STIM1: variants seen among roughly 807,000 people sequenced by gnomAD.
STIM1 encodes stromal interaction molecule 1.
In STIM1, 25 loss-of-function variants were observed where a neutral mutation model predicts 74.7. The ratio of observed to expected loss-of-function variants is 0.33; its 90% CI spans 0.24 to 0.47. STIM1 has a LOEUF of 0.47. STIM1 is among the 20% of genes least tolerant of loss of function. STIM1 has a pLI of 1.00. For synonymous variants in STIM1, 328 were observed against 348.8 expected, an observed-to-expected ratio of 0.94 and a Z score of 0.66; for missense variants, 728 against 920.8, an observed-to-expected ratio of 0.79 and a Z score of 2.71.
intron 2 of STIM1, among the ~76,000 whole-genome samples, chr11:4,021,084 A>G (rs1308947410): frequency 6.6e-6 from 1 of 151,392 alleles, no homozygotes; most frequent in African/African-American, 2.4e-5. Flanking sequence ...CATTGTTTCC[A>G]TTTTATTTTG....
At chr11:3,918,005 A>G (rs1049208415) in intron 1 of STIM1, among the ~76,000 whole-genome samples, 1 of 152,172 alleles carries the variant, frequency 6.6e-6, no homozygotes, top group African/African-American at 2.4e-5. Context: ...AGACTTAACC[A>G]AGAGAGGGAC....
chr11:3,992,849 T>G (rs2093628540), intron 2 of STIM1, among the ~76,000 whole-genome samples: 2 of 152,230 alleles, frequency 1.3e-5, no homozygotes, highest in Non-Finnish European at 2.9e-5. Context: ...GCAAGTCCAT[T>G]GTTTCAATTG....
chr11:3,943,511 TTTTTC>T (rs745868408), intron 1 of STIM1, among the ~76,000 whole-genome samples: 2 of 152,202 alleles, frequency 1.3e-5, no homozygotes, highest in Non-Finnish European at 2.9e-5. Context: ...CTTTTTTTGT[TTTTTC>T]TTCTGGTAAA....
intron 1 of STIM1, among the ~76,000 whole-genome samples, chr11:3,920,407 G>A (rs1239648973): frequency 6.6e-6 from 1 of 152,074 alleles, no homozygotes; most frequent in Non-Finnish European, 1.5e-5. Flanking sequence ...TCTACTTTCT[G>A]TCTCCATGAA....
At chr11:3,905,767 G>T (rs750727122) in intron 1 of STIM1, among the ~76,000 whole-genome samples, 2 of 152,184 alleles carry the variant, frequency 1.3e-5, no homozygotes, top group Non-Finnish European at 2.9e-5. Flanking sequence ...CAGGTTTCTG[G>T]AACTGCATGA....
chr11:3,953,019 G>T (rs1402263343), intron 1 of STIM1, among the ~76,000 whole-genome samples: 4 of 152,178 alleles, frequency 2.6e-5, no homozygotes, highest in Non-Finnish European at 5.9e-5. Context: ...CTTCTTGTGA[G>T]ATCAAAATTT....
At chr11:3,933,842 C>T (rs1041578215) in intron 1 of STIM1, among the ~76,000 whole-genome samples, 2 of 152,082 alleles carry the variant, frequency 1.3e-5, no homozygotes, top group African/African-American at 2.4e-5. Context: ...CTCAGGAAGA[C>T]GGAAGATGGG....
intron 2 of STIM1, among the ~76,000 whole-genome samples, chr11:4,004,239 A>AT (rs1449863691): frequency 1.3e-5 from 2 of 152,168 alleles, no homozygotes; most frequent in Non-Finnish European, 2.9e-5. Context: ...GGAAAAAACT[A>AT]AAGTTCATAT....
chr11:4,083,213 TG>T, intron 9 of STIM1, 49 bp from the exon 10 acceptor site: 2 of 1,575,070 alleles, frequency 1.3e-6, no homozygotes, highest in Non-Finnish European at 1.7e-6. Flanking sequence ...TCATTCCTAT[TG>T]GGGCTCACAC....
intron 3 of STIM1, among the ~76,000 whole-genome samples, chr11:4,025,764 G>C (rs2093993317): frequency 6.6e-6 from 1 of 152,254 alleles, no homozygotes; most frequent in Middle Eastern, 3.4e-3. Flanking sequence ...TTTCTGGCAA[G>C]GACTTTATTT....
chr11:3,987,840 CACAG>C (rs1331513198), intron 2 of STIM1, among the ~76,000 whole-genome samples: 1 of 141,980 alleles, frequency 7.0e-6, no homozygotes, highest in Non-Finnish European at 1.5e-5. Flanking sequence ...CACACACACA[CACAG>C]TGTGTATATA....
intron 1 of STIM1, among the ~76,000 whole-genome samples, chr11:3,885,161 T>C (rs7131437): frequency 1.3e-5 from 2 of 151,598 alleles, no homozygotes; most frequent in African/African-American, 4.8e-5. Context: ...ATGTGAATTA[T>C]ATTTCAATAT....
intron 1 of STIM1, among the ~76,000 whole-genome samples, chr11:3,891,521 G>A (rs1046693386): frequency 2.0e-5 from 3 of 152,064 alleles, no homozygotes; most frequent in Admixed American, 2.0e-4. Context: ...CTGACTTCAG[G>A]CGATCTTCTC....
intron 1 of STIM1, among the ~76,000 whole-genome samples, chr11:3,951,444 G>C: frequency 6.6e-6 from 1 of 152,182 alleles, no homozygotes; most frequent in East Asian, 1.9e-4. Flanking sequence ...TGGAGCCCAG[G>C]AATGTGTTCT....
In STIM1 at chr11:4,009,704, G is replaced by A. The variant is rs139974703; in HGVS notation, c.271-14169G>A. On this transcript the variant is annotated intron_variant, in intron 2 of 12. Transcript: ENST00000526596. Reference sequence around the variant, plus strand: ...AAAATAGTGTGCTTGCTATGCAAATGCAACCTCATGACAAGTCCCTTAGCT... The same window carrying A: ...AAAATAGTGTGCTTGCTATGCAAATACAACCTCATGACAAGTCCCTTAGCT... 4.0e-3 allele frequency among the ~76,000 whole-genome samples: 613 copies of A among 152,162 alleles called. 2 individuals carry two copies. The highest frequency in any genetic ancestry group is 0.014 in the African/African-American group (582 of 41,514).
intron 2 of STIM1, among the ~76,000 whole-genome samples, chr11:3,986,072 G>A (rs567078266): frequency 7.2e-4 from 110 of 152,126 alleles, no homozygotes; most frequent in Non-Finnish European, 1.4e-3. Context: ...TGTGCTATGT[G>A]CTGGATGCTG....
intron 3 of STIM1, among the ~76,000 whole-genome samples, chr11:4,045,713 A>G (rs912497677): frequency 2.7e-5 from 4 of 146,560 alleles, no homozygotes; most frequent in South Asian, 2.2e-4. Context: ...CAGCCTCCCT[A>G]TGTGCTGGGA....
At chr11:3,882,074 T>C (rs2091529715) in intron 1 of STIM1, among the ~76,000 whole-genome samples, 3 of 151,048 alleles carry the variant, frequency 2.0e-5, no homozygotes, top group African/African-American at 7.3e-5. Context: ...TATTGTAGCA[T>C]GTATCAGCAC....
intron 1 of STIM1, among the ~76,000 whole-genome samples, chr11:3,861,294 C>A (rs1252137548): frequency 1.3e-5 from 2 of 150,528 alleles, no homozygotes; most frequent in Non-Finnish European, 3.0e-5. Context: ...AGTGCAGTGG[C>A]CCGATCTCAG....
Sources: gnomAD v4.1 joint callset for allele counts (sites outside exome capture counted in the v4.1 genomes callset) on GRCh38, gnomAD v4.1.1 for gene constraint, MANE v1.5 for transcripts, NCBI Gene and HGNC (gene_info 2026-07-23, HGNC 2026-07-21) for gene names.